Variants in YES1 observed in about 807,000 individuals in gnomAD.
YES1 encodes YES proto-oncogene 1, Src family tyrosine kinase, also known as tyrosine-protein kinase Yes.
In YES1, 39 loss-of-function variants were observed where a neutral mutation model predicts 70.4. That is an observed-to-expected ratio of 0.55 (90% CI 0.43 to 0.72). The LOEUF is 0.72. Among genes scored for constraint, YES1 ranks in the 30% least tolerant of loss-of-function variants. YES1 has a pLI of 0.00. For missense variants in YES1, 495 were observed against 644.8 expected (o/e 0.77, Z 2.52); for synonymous variants, 198 against 218.6 (o/e 0.91, Z 0.83).
intron 1 of YES1, among the ~76,000 whole-genome samples, chr18:797,108 T>C (rs2145827557): frequency 6.6e-6 from 1 of 152,026 alleles, no homozygotes; most frequent in Non-Finnish European, 1.5e-5. Context: ...CTTTGCAACA[T>C]AAAGACAAAG....
intron 1 of YES1, among the ~76,000 whole-genome samples, chr18:768,487 C>T (rs954342817): frequency 2.0e-5 from 3 of 151,996 alleles, no homozygotes; most frequent in African/African-American, 7.3e-5. Context: ...AGGTCTTGTC[C>T]AATTTTTGTA....
In YES1 at chr18:795,362, T is replaced by C. The variant is rs540207608; in HGVS notation, c.-9+16752A>G. The stretch of plus-strand genomic sequence containing the variant: ...CCCAAGGAGGGAAACATAAAGGAAA[T>C]GTGACAAAATGTTAACAACTGGTAA... On this transcript the variant is annotated intron_variant, in intron 1 of 11. Coordinates refer to ENST00000314574, the MANE Select transcript of YES1 (RefSeq NM_005433.4). Among the ~76,000 whole-genome samples, 542 of 152,184 alleles carry C rather than the reference T, an allele frequency of 3.6e-3. 4 individuals carry two copies. The highest frequency in any genetic ancestry group is 0.012 in the African/African-American group (509 of 41,522).
intron 1 of YES1, among the ~76,000 whole-genome samples, chr18:805,810 T>C (rs1374359748): frequency 1.3e-5 from 2 of 152,214 alleles, no homozygotes; most frequent in South Asian, 2.1e-4. Context: ...TATTAACTTA[T>C]ACACAACCAC....
At chr18:800,621 G>C (rs1906771104) in intron 1 of YES1, among the ~76,000 whole-genome samples, 2 of 152,182 alleles carry the variant, frequency 1.3e-5, no homozygotes, top group Non-Finnish European at 2.9e-5. Flanking sequence ...AGCCAAAGAA[G>C]AAAAGGCTAC....
At position 722,955 on chromosome 18, in the gene YES1, G is replaced by A. The variant is rs1258871245; in HGVS notation, c.*1469C>T. ...AAAATACAAAAAACTAGCCAGGCGT[G>A]GTGGTGGGCACCTGTAGTCCCAGCT... On this transcript the variant is annotated 3_prime_UTR_variant, in exon 12 of 12. Coordinates refer to ENST00000314574, the MANE Select transcript of YES1 (RefSeq NM_005433.4). 1.3e-5 allele frequency: 2 copies of A among 152,300 alleles called. No individual in the cohort carries two copies. Among genetic ancestry groups the A allele is most frequent in the Non-Finnish European group, 2.9e-5 (2 of 68,144 alleles). 9.4% of individuals were successfully genotyped at this position (152,300 alleles called of 1,614,324 possible).
chr18:772,372 T>C (rs896547930), intron 1 of YES1, among the ~76,000 whole-genome samples: 1 of 151,868 alleles, frequency 6.6e-6, no homozygotes, highest in Non-Finnish European at 1.5e-5. Context: ...TAGGTAAACA[T>C]TGCTTTGTTT....
rs1026409024 is a variant in YES1 at position 723,549 on chromosome 18, T to C, written c.*875A>G. 1.3e-5 allele frequency: 2 copies of C among 152,646 alleles called. No homozygotes were observed. Among genetic ancestry groups the C allele is most frequent in the African/African-American group, 4.8e-5 (2 of 41,466 alleles). The allele number at this position is 152,646 out of a possible 1,614,324, so 9.5% of individuals were successfully genotyped here. A position where few individuals can be genotyped will look rare whatever the true frequency, so the allele number is the denominator to read the frequency against. Reference sequence around the variant, plus strand: ...TATAAGCAATACTCACAGTACGAAGTCTAGTTTTTAAAAAGGGCTTTTAAA... The same window carrying C: ...TATAAGCAATACTCACAGTACGAAGCCTAGTTTTTAAAAAGGGCTTTTAAA... On this transcript the variant is annotated 3_prime_UTR_variant, in exon 12 of 12. Coordinates refer to ENST00000314574, the MANE Select transcript of YES1 (RefSeq NM_005433.4).
At chr18:771,317 AGATT>A in intron 1 of YES1, among the ~76,000 whole-genome samples, 1 of 151,972 alleles carries the variant, frequency 6.6e-6, no homozygotes, top group Middle Eastern at 3.4e-3. Context: ...CAGTGAGCCA[AGATT>A]GCACCACTAC....
At chr18:790,718 T>C (rs1906202636) in intron 1 of YES1, among the ~76,000 whole-genome samples, 2 of 152,070 alleles carry the variant, frequency 1.3e-5, no homozygotes, top group African/African-American at 4.8e-5. Context: ...TAAAAATAAC[T>C]CAGTTAAAAG....
intron 11 of YES1, among the ~76,000 whole-genome samples, chr18:729,653 G>C (rs1464606543): frequency 4.4e-5 from 5 of 113,130 alleles, no homozygotes; most frequent in African/African-American, 1.0e-4. Flanking sequence ...TTGAGACAGA[G>C]TCTCGCTCTG....
At chr18:726,940 A>C (rs1415474921) in intron 11 of YES1, among the ~76,000 whole-genome samples, 1 of 152,146 alleles carries the variant, frequency 6.6e-6, no homozygotes, top group Non-Finnish European at 1.5e-5. Context: ...TTTGAAATGG[A>C]CAATCTGCTG....
chr18:726,560 A>G (rs2080021725), intron 11 of YES1, among the ~76,000 whole-genome samples: 1 of 151,650 alleles, frequency 6.6e-6, no homozygotes, highest in Admixed American at 6.6e-5. Context: ...TGGGCGGATC[A>G]CCTGAGGTCA....
chr18:755,310 G>A (rs1261900036), intron 2 of YES1, among the ~76,000 whole-genome samples: 3 of 151,422 alleles, frequency 2.0e-5, no homozygotes, highest in African/African-American at 4.9e-5. Context: ...ATGCAGTGGC[G>A]CAATCTTGGC....
At chr18:743,134 A>G (rs913245471) in intron 7 of YES1, 37 bp from the exon 8 acceptor site, 2 of 1,550,684 alleles carry the variant, frequency 1.3e-6, no homozygotes, top group African/African-American at 2.8e-5. Flanking sequence ...TTATATTTTA[A>G]AGGATTTTAG....
At chr18:737,823 A>C (rs894652053) in intron 9 of YES1, among the ~76,000 whole-genome samples, 1 of 152,138 alleles carries the variant, frequency 6.6e-6, no homozygotes, top group Non-Finnish European at 1.5e-5. Context: ...GGGCTCAAGC[A>C]ATTTTCCCAC....
At chr18:741,274 AT>A (rs1413253867) in intron 8 of YES1, among the ~76,000 whole-genome samples, 9 of 138,514 alleles carry the variant, frequency 6.5e-5, no homozygotes, top group Non-Finnish European at 1.4e-4. Flanking sequence ...AGACAGTCTC[AT>A]TTTTTCACCC....
At chr18:737,867 C>A (rs1353974589) in intron 9 of YES1, among the ~76,000 whole-genome samples, 2 of 152,056 alleles carry the variant, frequency 1.3e-5, no homozygotes, top group Non-Finnish European at 2.9e-5. Context: ...CTTAGGCATG[C>A]GACACCACAC....
At chr18:753,508 A>G (rs1229239997) in intron 2 of YES1, among the ~76,000 whole-genome samples, 1 of 152,302 alleles carries the variant, frequency 6.6e-6, no homozygotes, top group East Asian at 1.9e-4. Context: ...CTTTTTTGAG[A>G]CGGAGTCTTG....
At chr18:794,962 C>T (rs186490543) in intron 1 of YES1, among the ~76,000 whole-genome samples, 5 of 152,226 alleles carry the variant, frequency 3.3e-5, no homozygotes, top group Admixed American at 6.5e-5. Context: ...ACTACAGGCG[C>T]GTGCCACCAT....
Sources: allele counts gnomAD v4.1 joint callset (sites outside exome capture counted in the v4.1 genomes callset), GRCh38; gene constraint gnomAD v4.1.1; transcripts MANE v1.5; gene names NCBI Gene and HGNC (gene_info 2026-07-23, HGNC 2026-07-21).